Variants in MFSD12 observed in about 807,000 individuals in gnomAD.
MFSD12 encodes major facilitator superfamily domain containing 12.
A neutral mutation model predicts 51.2 loss-of-function variants in MFSD12; 67 were observed. The ratio of observed to expected loss-of-function variants is 1.31; its 90% CI spans 1.08 to 1.60. The LOEUF (loss-of-function observed/expected upper bound fraction) is 1.60. Among genes scored for constraint, MFSD12 ranks in the 40% most tolerant of loss-of-function variants. The pLI, the probability that MFSD12 is intolerant of heterozygous loss-of-function variation, is 0.00. For synonymous variants in MFSD12, 441 were observed against 316.7 expected (o/e 1.39, Z -4.17); for missense variants, 921 against 673.0 (o/e 1.37, Z -4.08).
intron 2 of MFSD12, among the ~76,000 whole-genome samples, chr19:3,549,205 G>T (rs913855084): frequency 6.6e-6 from 1 of 152,188 alleles, no homozygotes; most frequent in East Asian, 1.9e-4. Flanking sequence ...CAAGTTAGTG[G>T]ATAAGCCGGG....
intron 2 of MFSD12, among the ~76,000 whole-genome samples, chr19:3,549,684 C>G (rs188126600): frequency 7.0e-6 from 1 of 142,064 alleles, no homozygotes; most frequent in Non-Finnish European, 1.5e-5. Context: ...GATGGCGCCA[C>G]TGCACTCCAG....
chr19:3,543,012 C>T (rs780960400), downstream of MFSD12: 1 of 1,602,546 alleles, frequency 6.2e-7, no homozygotes, highest in Non-Finnish European at 8.5e-7. Flanking sequence ...GACTTGGGTG[C>T]TTGGGGTGCG....
chr19:3,550,418 A>G lies in MFSD12; in HGVS notation c.509+566T>C, dbSNP rs577573424. Among the ~76,000 whole-genome samples, 807 of 151,516 alleles carry G rather than the reference A, an allele frequency of 5.3e-3. 5 individuals are homozygous for G. Among genetic ancestry groups the G allele is most frequent in the Admixed American group, 8.4e-3 (128 of 15,252 alleles). ...TTTTGTTTTTTTTTTTTGAGACGGA[A>G]TCTCGCTCTGTCGCCCAGGCTGGAG... On this transcript the variant is annotated intron_variant, in intron 2 of 9. Coordinates refer to ENST00000355415, the MANE Select transcript of MFSD12 (RefSeq NM_174983.5).
chr19:3,547,788 G>T, intron 4 of MFSD12, 60 bp downstream of exon 4: 11 of 1,453,400 alleles, frequency 7.6e-6, no homozygotes, highest in Non-Finnish European at 1.0e-5. Context: ...GCCCCACAGA[G>T]CAAAGGCCCT....
intron 6 of MFSD12, among the ~76,000 whole-genome samples, chr19:3,546,961 A>G (rs2031113058): frequency 6.6e-6 from 1 of 152,104 alleles, no homozygotes; most frequent in South Asian, 2.1e-4. Flanking sequence ...AGCCTCCCGA[A>G]TAGCTGGGAC....
downstream of MFSD12, chr19:3,543,822 C>A (rs567147428): frequency 3.6e-5 from 54 of 1,521,010 alleles, 1 homozygote; most frequent in African/African-American, 5.9e-4. Flanking sequence ...CCGAGTCCCA[C>A]CTACAGTGCT....
chr19:3,554,786 G>T (rs2031652361), intron 1 of MFSD12, among the ~76,000 whole-genome samples: 1 of 152,226 alleles, frequency 6.6e-6, no homozygotes, highest in African/African-American at 2.4e-5. Context: ...AAAGGGCAAA[G>T]TGAGTCCTTA....
At chr19:3,548,969 C>T (rs571368641) in intron 2 of MFSD12, among the ~76,000 whole-genome samples, 17 of 152,276 alleles carry the variant, frequency 1.1e-4, no homozygotes, top group South Asian at 6.2e-4. Flanking sequence ...GTGGAGACAG[C>T]GGACTCCCCC....
intron 7 of MFSD12, 34 bp downstream of exon 7, chr19:3,546,221 G>C: frequency 6.2e-7 from 1 of 1,606,638 alleles, no homozygotes; most frequent in Non-Finnish European, 8.5e-7. Context: ...CTAGGACCCG[G>C]CCTCCCCCAC....
In MFSD12 at chr19:3,544,814, CGCAGGCGGGTCGGCCACA is replaced by C. The variant is rs753877161; in HGVS notation, c.1397_1414del (p.Leu466_Leu471del). 3 of 1,612,220 alleles carry C rather than the reference CGCAGGCGGGTCGGCCACA, an allele frequency of 1.9e-6. No individual in the cohort carries two copies. The highest frequency in any genetic ancestry group is 2.5e-6 in the Non-Finnish European group (3 of 1,179,328). On this transcript the variant is annotated inframe_deletion, in exon 9 of 10. Coordinates refer to ENST00000355415, the MANE Select transcript of MFSD12 (RefSeq NM_174983.5). ...AGGGGTGGGCCAGGACTCACAGCGT[CGCAGGCGGGTCGGCCACA>C]GCAGGAGGCTACAGAGACACAGGGC...
downstream of MFSD12, chr19:3,543,967 C>T (rs1306582949): frequency 6.5e-7 from 1 of 1,550,204 alleles, no homozygotes; most frequent in Middle Eastern, 1.7e-4. Context: ...TGCCCCTCCA[C>T]CTGCCAGCGG....
chr19:3,539,509 G>C (rs778832225), downstream of MFSD12: 2 of 506,712 alleles, frequency 3.9e-6, no homozygotes, highest in Non-Finnish European at 3.6e-6. Context: ...GACTGCAAAC[G>C]CACTGGGAGC....
intron 1 of MFSD12, among the ~76,000 whole-genome samples, chr19:3,556,020 C>T (rs943512954): frequency 6.6e-6 from 1 of 152,158 alleles, no homozygotes; most frequent in African/African-American, 2.4e-5. Flanking sequence ...ATCAGGGCAG[C>T]TCCCCCAGAC....
Position 3,547,970 on chromosome 19 carries a change from T to C in MFSD12, c.715A>G (p.Thr239Ala), listed in dbSNP as rs770505103. 5.6e-6 allele frequency: 9 copies of C among 1,596,844 alleles called. No individual in the cohort carries two copies. The highest frequency in any genetic ancestry group is 5.9e-6 in the Non-Finnish European group (7 of 1,178,490). Residue 239 changes from threonine (T) to alanine (A), a missense_variant, in exon 4 of 10, where the codon ACC becomes GCC. By Grantham distance (58) the Thr-to-Ala change is moderately conservative. Transcript: ENST00000355415. ...GCATGCGGCCGGCGCCTCTCCCGGG[T>C]GCCCAGGTGGAATAGCAGTGAGAAC... The part of the protein sequence containing the change: ...AVFSLLFHLG[T>A]RERRRPHAEE...
At chr19:3,548,326 C>G in intron 2 of MFSD12, 59 bp from the exon 3 acceptor site, 2 of 1,533,800 alleles carry the variant, frequency 1.3e-6, no homozygotes, top group Non-Finnish European at 1.7e-6. Context: ...CACTTCCTCC[C>G]CACGTGGCTA....
downstream of MFSD12, chr19:3,542,675 G>C: frequency 8.4e-7 from 1 of 1,191,270 alleles, no homozygotes; most frequent in Non-Finnish European, 1.1e-6. Context: ...TAGAGATGGG[G>C]TTTTACCATG....
At chr19:3,541,752 T>G (rs1020034818), downstream of MFSD12, 1 of 985,204 alleles carries the variant, frequency 1.0e-6, no homozygotes, top group African/African-American at 1.7e-5. Flanking sequence ...GAGTGGCAGG[T>G]GGGTACGGGG....
In MFSD12 at chr19:3,554,450, CAAAA is replaced by C. The variant is rs1187548758; in HGVS notation, c.298+2652_298+2655del. 3.9e-3 allele frequency among the ~76,000 whole-genome samples: 283 copies of C among 71,786 alleles called. 1 individual carries two copies. Among genetic ancestry groups the C allele is most frequent in the African/African-American group, 0.014 (278 of 20,070 alleles). 47.1% of individuals were successfully genotyped at this position (71,786 alleles called of 152,430 possible). On this transcript the variant is annotated intron_variant, in intron 1 of 9. Coordinates refer to ENST00000355415, the MANE Select transcript of MFSD12 (RefSeq NM_174983.5). ...AGACTCTGTCTCAACAACAACAAAA[CAAAA>C]AAAAAAAAAAAAGAAAGAAAGTTCC...
rs2031244384 is a variant in MFSD12 at position 3,548,265 on chromosome 19, T to C, written c.512A>G (p.Tyr171Cys). ...HEKVELTALR[Y>C]AFTVVANITV... ...GATGTTGGCCACCACGGTGAACGCATACCTGGCGGGCAGGCGGGCAGGGAC... is the reference window on the plus strand; with the variant it reads ...GATGTTGGCCACCACGGTGAACGCACACCTGGCGGGCAGGCGGGCAGGGAC... Residue 171 changes from tyrosine to cysteine, a missense_variant and splice_region_variant, in exon 3 of 10, where the codon TAT becomes TGT. Coordinates refer to ENST00000355415, the MANE Select transcript of MFSD12 (RefSeq NM_174983.5). 3 of 1,548,528 alleles carry C rather than the reference T, an allele frequency of 1.9e-6. No individual in the cohort carries two copies. The highest frequency in any genetic ancestry group is 1.7e-6 in the Non-Finnish European group (2 of 1,147,398).
Sources: allele counts gnomAD v4.1 joint callset (sites outside exome capture counted in the v4.1 genomes callset), GRCh38; gene constraint gnomAD v4.1.1; transcripts MANE v1.5; gene names NCBI Gene and HGNC (gene_info 2026-07-23, HGNC 2026-07-21).